STS: variants seen among roughly 807,000 people sequenced by gnomAD.
STS encodes the protein steroid sulfatase, also known as steryl-sulfatase.
STS carries 7 observed loss-of-function variants against 26.8 expected under a neutral mutation model. The ratio of observed to expected loss-of-function variants is 0.26; its 90% CI spans 0.15 to 0.49. The LOEUF (loss-of-function observed/expected upper bound fraction) is 0.49. STS is among the 20% of genes least tolerant of loss of function. The probability of loss-of-function intolerance (pLI) is 0.98; values close to 1 mark genes in which losing one functional copy is unlikely to be tolerated. For missense variants in STS, 434 were observed against 465.6 expected, an observed-to-expected ratio of 0.93 and a Z score of 0.63; for synonymous variants, 199 against 189.4, an observed-to-expected ratio of 1.05 and a Z score of -0.42.
chrX:7,282,395 C>T (rs1924911877), intron 7 of STS, among the ~76,000 whole-genome samples: 1 of 111,899 alleles, frequency 8.9e-6, no homozygotes, highest in African/African-American at 3.2e-5. Flanking sequence ...GAGACAAGGT[C>T]TCACTATGTT....
intron 10 of STS, among the ~76,000 whole-genome samples, chrX:7,336,719 C>T (rs1242900136): frequency 8.9e-6 from 1 of 111,979 alleles, no homozygotes; most frequent in African/African-American, 3.2e-5. Flanking sequence ...CATATGGAGC[C>T]GGCAAGAAAT....
At chrX:7,264,883 A>G (rs1923923735) in intron 6 of STS, among the ~76,000 whole-genome samples, 1 of 111,388 alleles carries the variant, frequency 9.0e-6, no homozygotes, top group East Asian at 2.8e-4. Context: ...AAAGCTTTGG[A>G]ACTTTATAAG....
chrX:7,319,830 A>G (rs1601740050), intron 8 of STS, among the ~76,000 whole-genome samples: 2 of 105,885 alleles, frequency 1.9e-5, no homozygotes, highest in Admixed American at 2.2e-4. Context: ...AGTCAGTCAG[A>G]CAAACCTGGA....
intron 10 of STS, among the ~76,000 whole-genome samples, chrX:7,340,774 G>A (rs760418262): frequency 4.5e-5 from 5 of 112,241 alleles, no homozygotes; most frequent in South Asian, 3.7e-4. Context: ...TCTTTCAAGC[G>A]GCTTTTCCAC....
intron 2 of STS, among the ~76,000 whole-genome samples, chrX:7,205,894 G>A (rs1249005492): frequency 9.1e-6 from 1 of 109,564 alleles, no homozygotes; most frequent in African/African-American, 3.3e-5. Context: ...GGGATTACAG[G>A]TGTGAGCCAC....
intron 8 of STS, among the ~76,000 whole-genome samples, chrX:7,324,370 G>A (rs1927262830): frequency 9.0e-6 from 1 of 111,025 alleles, no homozygotes. Flanking sequence ...GATTGTACGT[G>A]TTTCTTATCA....
At position 7,192,924 on chromosome X, in the gene STS, G is replaced by A. The variant is rs1001722255; in HGVS notation, c.-5+1916G>A. On this transcript the variant is annotated intron_variant, in intron 2 of 10. Coordinates refer to ENST00000674429, the MANE Select transcript of STS (RefSeq NM_001320752.2). ...GTTCCTCACAAATCCGAAATGTCGT[G>A]CTGAGGGCGACAAACCCTGCTCACT... is the stretch of plus-strand genomic sequence containing the variant. 5.3e-5 allele frequency among the ~76,000 whole-genome samples: 6 copies of A among 112,533 alleles called. 1 individual carries two copies. Among genetic ancestry groups the A allele is most frequent in the Admixed American group, 4.7e-4 (5 of 10,661 alleles).
At chrX:7,211,905 A>G (rs1279750607) in intron 2 of STS, among the ~76,000 whole-genome samples, 2 of 109,754 alleles carry the variant, frequency 1.8e-5, no homozygotes, top group Non-Finnish European at 3.8e-5. Flanking sequence ...AGAGCTACAT[A>G]TAAAAGCCAA....
intron 1 of STS, among the ~76,000 whole-genome samples, chrX:7,189,425 A>G (rs1303957272): frequency 8.9e-6 from 1 of 112,159 alleles, no homozygotes; most frequent in Non-Finnish European, 1.9e-5. Flanking sequence ...TTTGAGGGAC[A>G]AATAGTATCT....
At chrX:7,339,756 C>A (rs1160085219) in intron 10 of STS, among the ~76,000 whole-genome samples, 1 of 111,394 alleles carries the variant, frequency 9.0e-6, no homozygotes, top group African/African-American at 3.3e-5. Context: ...CTTAACTTCC[C>A]CTAACAGTCA....
intron 7 of STS, among the ~76,000 whole-genome samples, chrX:7,278,015 A>G (rs1161233709): frequency 8.9e-6 from 1 of 112,386 alleles, no homozygotes; most frequent in African/African-American, 3.2e-5. Flanking sequence ...AGCATGGCAT[A>G]CATGCCTGAC....
At chrX:7,260,167 G>A (rs1349782517) in intron 6 of STS, among the ~76,000 whole-genome samples, 1 of 111,910 alleles carries the variant, frequency 8.9e-6, no homozygotes, top group African/African-American at 3.2e-5. Context: ...GAGCCACCAC[G>A]CCCAGCCAGA....
chrX:7,335,029 C>G (rs1009223296), intron 10 of STS, among the ~76,000 whole-genome samples: 13 of 112,334 alleles, frequency 1.2e-4, no homozygotes, highest in African/African-American at 4.2e-4. Flanking sequence ...TGGGTTGGTT[C>G]CAAGTCTTTG....
intron 2 of STS, among the ~76,000 whole-genome samples, chrX:7,224,984 T>C (rs764309600): frequency 8.9e-6 from 1 of 112,313 alleles, no homozygotes; most frequent in South Asian, 3.8e-4. Flanking sequence ...CTATGGAAGA[T>C]GTCTTTCAAA....
chrX:7,287,934 A>G (rs1925215851), intron 7 of STS, among the ~76,000 whole-genome samples: 1 of 110,466 alleles, frequency 9.1e-6, no homozygotes, highest in Admixed American at 9.7e-5. Flanking sequence ...GCAACCCTGG[A>G]TATTATCAGT....
At chrX:7,208,274 T>TA (rs1173614619) in intron 2 of STS, among the ~76,000 whole-genome samples, 1 of 112,044 alleles carries the variant, frequency 8.9e-6, no homozygotes, top group African/African-American at 3.2e-5. Flanking sequence ...ATGCTTATTG[T>TA]AAAAAAATCC....
At chrX:7,160,464 G>A (rs1302573449) in intron 1 of STS, among the ~76,000 whole-genome samples, 1 of 112,562 alleles carries the variant, frequency 8.9e-6, no homozygotes, top group Non-Finnish European at 1.9e-5. Flanking sequence ...GTTTGTCTTT[G>A]TGGATTAGAG....
chrX:7,247,643 A>G (rs1243704621), intron 2 of STS, among the ~76,000 whole-genome samples: 1 of 112,072 alleles, frequency 8.9e-6, no homozygotes, highest in African/African-American at 3.2e-5. Context: ...TTGCTGTAAT[A>G]GAGTACTATT....
chrX:7,341,512 C>T (rs748008977), intron 10 of STS, among the ~76,000 whole-genome samples: 1 of 111,786 alleles, frequency 8.9e-6, no homozygotes, highest in South Asian at 3.8e-4. Flanking sequence ...ATTTTTGACA[C>T]CAAGCAATCC....
Sources: gnomAD v4.1 joint callset for allele counts (sites outside exome capture counted in the v4.1 genomes callset) on GRCh38, gnomAD v4.1.1 for gene constraint, MANE v1.5 for transcripts, NCBI Gene and HGNC (gene_info 2026-07-23, HGNC 2026-07-21) for gene names.